The following SH2D4B variants were observed in gnomAD, a reference collection of about 807,000 sequenced individuals.
SH2D4B encodes SH2 domain-containing protein 4B.
SH2D4B carries 45 observed loss-of-function variants against 61.5 expected under a neutral mutation model. The ratio of observed to expected loss-of-function variants is 0.73; its 90% confidence interval spans 0.58 to 0.94. SH2D4B has a LOEUF of 0.94. Among genes scored for constraint, SH2D4B ranks in the 40% least tolerant of loss-of-function variants. SH2D4B has a pLI of 0.00. For missense variants in SH2D4B, 572 were observed against 574.2 expected (o/e 1.00, Z 0.04); for synonymous variants, 224 against 220.4 (o/e 1.02, Z -0.14).
intron 3 of SH2D4B, among the ~76,000 whole-genome samples, chr10:80,572,469 G>C (rs1011933283): frequency 6.6e-6 from 1 of 152,100 alleles, no homozygotes. Context: ...GTTTGATGGA[G>C]TTGTTAACGT....
intron 3 of SH2D4B, among the ~76,000 whole-genome samples, chr10:80,581,827 A>T (rs369304907): frequency 6.6e-6 from 1 of 152,194 alleles, no homozygotes; most frequent in Non-Finnish European, 1.5e-5. Context: ...CCTTGACTGT[A>T]TTCTTCCTGA....
rs184911727 is a variant in SH2D4B, at chr10:80,641,022, T to C, written c.1210-2971T>C. 2.0e-5 allele frequency among the ~76,000 whole-genome samples: 3 copies of C among 152,354 alleles called. No homozygotes were observed. In the East Asian group the frequency reaches 5.8e-4, roughly 29 times the overall value. On this transcript the variant is annotated intron_variant, in intron 7 of 7. Transcript: ENST00000646907. ...TGTTGATGCTATTCCTTTCTGTTTG[T>C]TAGTTTTCCTTCTAACAGTCAGGTC...
At position 80,543,514 on chromosome 10, in the gene SH2D4B, G is replaced by C. The variant is rs563092887; in HGVS notation, c.184+4999G>C. Among the ~76,000 whole-genome samples the C allele has an allele frequency of 1.2e-3, 186 of 152,326 alleles. 1 individual carries two copies. Among genetic ancestry groups the C allele is most frequent in the South Asian group, 4.3e-3 (21 of 4,834 alleles). On this transcript the variant is annotated intron_variant, in intron 1 of 7. Coordinates refer to ENST00000646907, the MANE Select transcript of SH2D4B (RefSeq NM_001388272.1). ...CTACCCCCTGCCTCCGTGGGCTCCT[G>C]TGCCGCCCAAGCTTCCCCGATGAGC...
rs367997404 is a variant in SH2D4B at position 80,603,757 on chromosome 10, C to G, written c.822C>G (p.Pro274=). ...EQEARLYHHL[P]DPGLPQPLAL... Reference sequence around the variant, plus strand: ...AGGCAAGACTCTACCACCACCTCCCCGACCCGGGTCTGCCGCAGCCCCTTG... The same window carrying G: ...AGGCAAGACTCTACCACCACCTCCCGGACCCGGGTCTGCCGCAGCCCCTTG... Residue 274 remains proline, a synonymous_variant, in exon 5 of 8, where the codon CCC becomes CCG. Transcript: ENST00000646907. The G allele has an allele frequency of 2.5e-6, 4 of 1,612,554 alleles. No individual in the cohort carries two copies. Among genetic ancestry groups the G allele is most frequent in the East Asian group, 2.2e-5 (1 of 44,844 alleles).
At chr10:80,587,400 C>T (rs1842272540) in intron 3 of SH2D4B, among the ~76,000 whole-genome samples, 1 of 152,092 alleles carries the variant, frequency 6.6e-6, no homozygotes, top group South Asian at 2.1e-4. Flanking sequence ...CTGCCTCAGC[C>T]TGCCTAGCAG....
intron 1 of SH2D4B, among the ~76,000 whole-genome samples, chr10:80,553,077 G>A (rs1398745522): frequency 1.3e-5 from 2 of 152,048 alleles, no homozygotes; most frequent in African/African-American, 4.8e-5. Flanking sequence ...CACCACACCT[G>A]GCTAATTTTT....
intron 3 of SH2D4B, among the ~76,000 whole-genome samples, chr10:80,577,658 C>T (rs1246908016): frequency 6.6e-6 from 1 of 151,918 alleles, no homozygotes; most frequent in Non-Finnish European, 1.5e-5. Flanking sequence ...GATCTCCTGA[C>T]CTTGCGATCC....
chr10:80,550,665 C>CA (rs1841748483), intron 1 of SH2D4B, among the ~76,000 whole-genome samples: 1 of 152,136 alleles, frequency 6.6e-6, no homozygotes, highest in African/African-American at 2.4e-5. Flanking sequence ...TATGATACAT[C>CA]AATGGTTGTA....
At chr10:80,600,521 ATGTGTGTG>A (rs67885510) in intron 4 of SH2D4B, among the ~76,000 whole-genome samples, 4 of 127,892 alleles carry the variant, frequency 3.1e-5, no homozygotes, top group Non-Finnish European at 7.1e-5. Context: ...GCAGAGTGGC[ATGTGTGTG>A]TGTGTGTGTG....
intron 4 of SH2D4B, among the ~76,000 whole-genome samples, chr10:80,599,850 C>T (rs746584966): frequency 3.3e-5 from 5 of 152,308 alleles, no homozygotes; most frequent in Non-Finnish European, 5.9e-5. Context: ...CCTGTTTTCC[C>T]TCCCTAGGGG....
Position 80,541,000 on chromosome 10 carries a change from G to T in SH2D4B, c.184+2485G>T, listed in dbSNP as rs1841571501. The T allele has an allele frequency of 7.0e-6, 8 of 1,140,360 alleles. No individual in the cohort carries two copies. The Admixed American group carries it at 1.6e-4, about 23-fold the overall frequency. 70.6% of individuals were successfully genotyped at this position (1,140,360 alleles called of 1,614,324 possible). A position where few individuals can be genotyped will look rare whatever the true frequency, so the allele number is the denominator to read the frequency against. Reference sequence around the variant, plus strand: ...GTCTTGAGAAAGAACTCGGGAATGAGTCAGAATGATAGGAAAGGCAAGAAA... The same window carrying T: ...GTCTTGAGAAAGAACTCGGGAATGATTCAGAATGATAGGAAAGGCAAGAAA... On this transcript the variant is annotated intron_variant, in intron 1 of 7. Coordinates refer to ENST00000646907, the MANE Select transcript of SH2D4B (RefSeq NM_001388272.1).
chr10:80,542,828 T>C (rs558665725), intron 1 of SH2D4B, among the ~76,000 whole-genome samples: 15 of 152,284 alleles, frequency 9.9e-5, no homozygotes, highest in African/African-American at 3.1e-4. Context: ...CTCTCCTGTT[T>C]GTGAATCAAG....
chr10:80,606,178 C>A (rs1842517947), intron 5 of SH2D4B, among the ~76,000 whole-genome samples: 1 of 152,114 alleles, frequency 6.6e-6, no homozygotes, highest in South Asian at 2.1e-4. Context: ...AGAGCAGATG[C>A]ATGCCGCTGA....
At chr10:80,640,806 C>T (rs1294782102) in intron 7 of SH2D4B, among the ~76,000 whole-genome samples, 3 of 152,234 alleles carry the variant, frequency 2.0e-5, no homozygotes, top group Non-Finnish European at 2.9e-5. Context: ...TCGTCAAAGT[C>T]ATTCTTCCTC....
At chr10:80,572,150 A>G (rs766727034) in intron 3 of SH2D4B, among the ~76,000 whole-genome samples, 8 of 152,182 alleles carry the variant, frequency 5.3e-5, no homozygotes, top group Non-Finnish European at 8.8e-5. Flanking sequence ...CACATATAGT[A>G]GTGGTTAGGG....
intron 1 of SH2D4B, among the ~76,000 whole-genome samples, chr10:80,557,414 C>A (rs1841852560): frequency 1.3e-5 from 2 of 152,066 alleles, no homozygotes; most frequent in Non-Finnish European, 2.9e-5. Context: ...ATTCTCTCCT[C>A]TTCCATTTTC....
At chr10:80,603,162 G>A (rs1371787940) in intron 4 of SH2D4B, among the ~76,000 whole-genome samples, 2 of 152,140 alleles carry the variant, frequency 1.3e-5, no homozygotes, top group Admixed American at 1.3e-4. Flanking sequence ...CTTGACGGGT[G>A]AGCTGAGTGG....
chr10:80,579,584 C>T (rs559239834), intron 3 of SH2D4B, among the ~76,000 whole-genome samples: 19 of 152,064 alleles, frequency 1.2e-4, no homozygotes, highest in African/African-American at 4.1e-4. Flanking sequence ...TTGCAATCTC[C>T]CTCCCTCCTC....
intron 1 of SH2D4B, among the ~76,000 whole-genome samples, chr10:80,558,097 G>A (rs1452688029): frequency 2.0e-5 from 3 of 151,500 alleles, no homozygotes; most frequent in Non-Finnish European, 2.9e-5. Context: ...AAATTCATGG[G>A]CTACTTAGAA....
Sources: gnomAD v4.1 joint callset for allele counts (sites outside exome capture counted in the v4.1 genomes callset) on GRCh38, gnomAD v4.1.1 for gene constraint, MANE v1.5 for transcripts, NCBI Gene and HGNC (gene_info 2026-07-23, HGNC 2026-07-21) for gene names.